Variants in CD200 observed in about 807,000 individuals in gnomAD.
CD200 encodes the protein CD200 molecule.
In CD200, 15 loss-of-function variants were observed where a neutral mutation model predicts 30.9. That is an observed-to-expected ratio of 0.49 (90% CI 0.32 to 0.75). CD200 has a LOEUF of 0.75. CD200 is among the 30% of genes least tolerant of loss of function. The pLI, the probability that CD200 is intolerant of heterozygous loss-of-function variation, is 0.03. For synonymous variants in CD200, 134 were observed against 126.2 expected, an observed-to-expected ratio of 1.06 and a Z score of -0.41; for missense variants, 262 against 324.2, an observed-to-expected ratio of 0.81 and a Z score of 1.47.
At chr3:112,343,486 T>C (rs1396640618) in intron 2 of CD200, among the ~76,000 whole-genome samples, 4 of 152,112 alleles carry the variant, frequency 2.6e-5, no homozygotes, top group Non-Finnish European at 5.9e-5. Context: ...ACATTTCTTG[T>C]AGAGATAAGG....
chr3:112,360,874 C>T lies in CD200; in HGVS notation c.803-669C>T, dbSNP rs1192580225. The stretch of plus-strand genomic sequence containing the variant: ...ACCCTGACATCCAGTGAGTTATTAT[C>T]CATCAGAAACAAAGCTTACAAATAG... On this transcript the variant is annotated intron_variant, in intron 5 of 5. Coordinates refer to ENST00000315711, the MANE Select transcript of CD200 (RefSeq NM_005944.7). 2.0e-5 allele frequency among the ~76,000 whole-genome samples: 3 copies of T among 152,172 alleles called. No homozygotes were observed. In the East Asian group the frequency reaches 5.8e-4, roughly 29 times the overall value.
At chr3:112,357,406 A>G (rs1453283129) in intron 5 of CD200, among the ~76,000 whole-genome samples, 1 of 152,344 alleles carries the variant, frequency 6.6e-6, no homozygotes, top group African/African-American at 2.4e-5. Context: ...TTCCCACCAT[A>G]GCAAATTTCA....
chr3:112,353,264 T>C (rs987088117), intron 5 of CD200, among the ~76,000 whole-genome samples: 2 of 152,218 alleles, frequency 1.3e-5, no homozygotes, highest in African/African-American at 2.4e-5. Flanking sequence ...CAGATCATCA[T>C]AGACAATCAC....
intron 4 of CD200, among the ~76,000 whole-genome samples, chr3:112,349,364 G>A (rs1333337437): frequency 2.0e-5 from 3 of 152,138 alleles, no homozygotes; most frequent in African/African-American, 7.2e-5. Flanking sequence ...TGCTTTAGAG[G>A]CAAACAGACT....
intron 1 of CD200, among the ~76,000 whole-genome samples, chr3:112,340,228 CAGAGA>C (rs1442037979): frequency 5.3e-5 from 8 of 152,040 alleles, no homozygotes; most frequent in African/African-American, 1.9e-4. Flanking sequence ...GGCACTATTG[CAGAGA>C]AAAGTTCAAC....
chr3:112,343,393 T>C (rs944116648), intron 2 of CD200, among the ~76,000 whole-genome samples: 7 of 152,140 alleles, frequency 4.6e-5, no homozygotes, highest in African/African-American at 1.7e-4. Flanking sequence ...ATCCTTGAAC[T>C]CCTGGCCTTA....
chr3:112,351,413 C>T (rs369267046), intron 5 of CD200, among the ~76,000 whole-genome samples: 31 of 152,324 alleles, frequency 2.0e-4, no homozygotes, highest in African/African-American at 7.5e-4. Context: ...GCAATCTACT[C>T]AAGCCTGAGG....
chr3:112,357,239 G>C (rs13084367), intron 5 of CD200, among the ~76,000 whole-genome samples: 44,042 of 143,778 alleles, frequency 0.31, 7,295 homozygotes, highest in Non-Finnish European at 0.38. Context: ...CCAGCCTGGG[G>C]GACAGAGCGA....
chr3:112,348,915 A>G (rs2081470062), intron 4 of CD200, among the ~76,000 whole-genome samples: 1 of 152,122 alleles, frequency 6.6e-6, no homozygotes, highest in African/African-American at 2.4e-5. Flanking sequence ...GACTTATATC[A>G]CTTACAGTGT....
chr3:112,338,678 AAAACAGCTTC>A (rs2081172810), intron 1 of CD200, among the ~76,000 whole-genome samples: 1 of 152,212 alleles, frequency 6.6e-6, no homozygotes, highest in Admixed American at 6.5e-5. Context: ...ATGCTTTTTA[AAAACAGCTTC>A]AAAATTGAAT....
intron 1 of CD200, among the ~76,000 whole-genome samples, chr3:112,338,408 A>G (rs1313972742): frequency 6.6e-6 from 1 of 152,168 alleles, no homozygotes; most frequent in Non-Finnish European, 1.5e-5. Flanking sequence ...TTTTTATTCA[A>G]CTGACAGCAT....
intron 5 of CD200, among the ~76,000 whole-genome samples, chr3:112,354,408 AT>A (rs2081589393): frequency 6.6e-6 from 1 of 152,164 alleles, no homozygotes; most frequent in African/African-American, 2.4e-5. Context: ...CTCCTTTTGC[AT>A]TTTAGTTTGC....
At position 112,342,369 on chromosome 3, in the gene CD200, C is replaced by A. The variant is rs868024708; in HGVS notation, c.94+1386C>A. ...TCTTTCTTTCTTTCTTTCTTTCTTT[C>A]TTTCTTTCTTTCTTTCTTTCTTTCT... is the stretch of plus-strand genomic sequence containing the variant. On this transcript the variant is annotated intron_variant, in intron 2 of 5. Coordinates refer to ENST00000315711, the MANE Select transcript of CD200 (RefSeq NM_005944.7). Among the ~76,000 whole-genome samples the A allele has an allele frequency of 9.1e-5, 3 of 32,834 alleles. 1 individual carries two copies. The highest frequency in any genetic ancestry group is 3.1e-4 in the African/African-American group (3 of 9,662). 21.5% of individuals were successfully genotyped at this position (32,834 alleles called of 152,430 possible). A position where few individuals can be genotyped will look rare whatever the true frequency, so the allele number is the denominator to read the frequency against.
At chr3:112,343,673 C>T (rs1321095893) in intron 2 of CD200, among the ~76,000 whole-genome samples, 6 of 151,900 alleles carry the variant, frequency 3.9e-5, no homozygotes, top group Middle Eastern at 3.4e-3. Flanking sequence ...TGAAGGTTCT[C>T]GGTATGATTG....
At chr3:112,342,271 GTCCTTCCT>G (rs745418625) in intron 2 of CD200, among the ~76,000 whole-genome samples, 1 of 75,630 alleles carries the variant, frequency 1.3e-5, no homozygotes, top group African/African-American at 5.7e-5. Context: ...TCTGAGAACT[GTCCTTCCT>G]TCCTTCCTTC....
chr3:112,335,946 C>G, intron 1 of CD200: 4 of 1,608,976 alleles, frequency 2.5e-6, no homozygotes, highest in Non-Finnish European at 3.4e-6. Flanking sequence ...ACCACAGACT[C>G]TGACCAGGAC....
At chr3:112,342,194 G>C (rs2081253408) in intron 2 of CD200, among the ~76,000 whole-genome samples, 1 of 151,756 alleles carries the variant, frequency 6.6e-6, no homozygotes, top group African/African-American at 2.4e-5. Context: ...AGGAGGTTTG[G>C]AAGTAAGTGT....
At chr3:112,356,839 C>A (rs893836020) in intron 5 of CD200, among the ~76,000 whole-genome samples, 7 of 152,346 alleles carry the variant, frequency 4.6e-5, no homozygotes, top group Admixed American at 1.3e-4. Flanking sequence ...TAGCTGAGTA[C>A]CTTTGGACAA....
intron 5 of CD200, among the ~76,000 whole-genome samples, chr3:112,351,125 T>A (rs2081523383): frequency 6.6e-6 from 1 of 152,190 alleles, no homozygotes; most frequent in Admixed American, 6.5e-5. Flanking sequence ...ATTAGGAAAC[T>A]GAAGCCCAGA....
Sources: gnomAD v4.1 joint callset for allele counts (sites outside exome capture counted in the v4.1 genomes callset) on GRCh38, gnomAD v4.1.1 for gene constraint, MANE v1.5 for transcripts, NCBI Gene and HGNC (gene_info 2026-07-23, HGNC 2026-07-21) for gene names.